The following NRXN3 variants were observed in gnomAD, a reference collection of about 807,000 sequenced individuals.
NRXN3 encodes neurexin 3.
A neutral mutation model predicts 137.6 loss-of-function variants in NRXN3; 32 were observed. The observed-to-expected ratio is 0.23, with a 90% CI of 0.18 to 0.31. NRXN3 has a LOEUF of 0.31. Ranked by LOEUF, NRXN3 falls within the 10% of genes least tolerant of loss-of-function variation. The probability of loss-of-function intolerance (pLI) is 1.00; values close to 1 mark genes in which losing one functional copy is unlikely to be tolerated. For missense variants in NRXN3, 1,574 were observed against 2,062.5 expected, an observed-to-expected ratio of 0.76 and a Z score of 4.59; for synonymous variants, 798 against 784.5, an observed-to-expected ratio of 1.02 and a Z score of -0.29.
intron 1 of NRXN3, among the ~76,000 whole-genome samples, chr14:78,234,680 C>A (rs766048000): frequency 6.6e-6 from 1 of 152,288 alleles, no homozygotes; most frequent in South Asian, 2.1e-4. Flanking sequence ...ATTTGGTCCA[C>A]CTCCTTATAT....
intron 19 of NRXN3, among the ~76,000 whole-genome samples, chr14:79,749,262 G>A (rs2098989566): frequency 6.6e-6 from 1 of 152,064 alleles, no homozygotes; most frequent in Non-Finnish European, 1.5e-5. Context: ...GCTCACATTT[G>A]TCTTTGGGGT....
chr14:79,402,967 A>G (rs1225578138), intron 15 of NRXN3, among the ~76,000 whole-genome samples: 2 of 152,340 alleles, frequency 1.3e-5, no homozygotes, highest in Middle Eastern at 3.4e-3. Context: ...GGAAAAATAA[A>G]GTGTGTTTTT....
chr14:79,741,267 T>C (rs1489199056), intron 19 of NRXN3, among the ~76,000 whole-genome samples: 1 of 152,146 alleles, frequency 6.6e-6, no homozygotes, highest in African/African-American at 2.4e-5. Context: ...TTGCTTTGAA[T>C]CACAGAATTT....
chr14:79,123,380 G>C (rs940685615), intron 15 of NRXN3, among the ~76,000 whole-genome samples: 2 of 152,142 alleles, frequency 1.3e-5, no homozygotes, highest in African/African-American at 4.8e-5. Flanking sequence ...AGAGTTTAGA[G>C]CTGGTATGTC....
At position 79,868,000 on chromosome 14, in the gene NRXN3, A is replaced by C. The variant is rs554846336; in HGVS notation, c.*6036A>C. 1 of 152,094 alleles carries C rather than the reference A, an allele frequency of 6.6e-6. No homozygotes were observed. Among genetic ancestry groups the C allele is most frequent in the East Asian group, 1.9e-4 (1 of 5,174 alleles). The allele number at this position is 152,094 out of a possible 1,614,324, so 9.4% of individuals were successfully genotyped here. On this transcript the variant is annotated 3_prime_UTR_variant, in exon 21 of 21. Coordinates refer to ENST00000335750, the MANE Select transcript of NRXN3 (RefSeq NM_001330195.2). ...TGATTACATGGGTTCTAGAGTCAAA[A>C]TGCCATGGCTCATCTGGTACTGTAA... is the stretch of plus-strand genomic sequence containing the variant.
At chr14:79,648,860 A>G (rs2098463139) in intron 16 of NRXN3, among the ~76,000 whole-genome samples, 1 of 152,134 alleles carries the variant, frequency 6.6e-6, no homozygotes, top group South Asian at 2.1e-4. Context: ...TGGCAATGGA[A>G]CCAGAAAAGC....
chr14:79,103,159 T>A (rs2051673720), intron 15 of NRXN3, among the ~76,000 whole-genome samples: 1 of 152,136 alleles, frequency 6.6e-6, no homozygotes, highest in African/African-American at 2.4e-5. Flanking sequence ...TCAGGGCTCT[T>A]GAGAAAGGTA....
At chr14:78,652,863 G>A (rs181503268) in intron 6 of NRXN3, among the ~76,000 whole-genome samples, 1 of 152,350 alleles carries the variant, frequency 6.6e-6, no homozygotes, top group East Asian at 1.9e-4. Context: ...CCAAGGCTTT[G>A]CCTTGTAGGA....
chr14:79,692,395 G>A (rs2098719961), intron 18 of NRXN3, 133 bp downstream of exon 18: 1 of 719,760 alleles, frequency 1.4e-6, no homozygotes, highest in Non-Finnish European at 2.3e-6. Context: ...ATTATAATTT[G>A]TGTCAGCTTC....
At chr14:79,230,823 A>G (rs1325255283) in intron 15 of NRXN3, among the ~76,000 whole-genome samples, 1 of 152,100 alleles carries the variant, frequency 6.6e-6, no homozygotes, top group East Asian at 1.9e-4. Context: ...GATGCTTGCT[A>G]GTAATGTGAC....
intron 15 of NRXN3, among the ~76,000 whole-genome samples, chr14:79,184,300 C>T (rs1382497170): frequency 6.6e-6 from 1 of 152,074 alleles, no homozygotes; most frequent in East Asian, 1.9e-4. Context: ...GGAAAGGAAA[C>T]AGCAAGAGAA....
chr14:78,730,850 C>T (rs376194789), intron 8 of NRXN3, among the ~76,000 whole-genome samples: 27 of 152,324 alleles, frequency 1.8e-4, no homozygotes, highest in Non-Finnish European at 2.5e-4. Flanking sequence ...CACAAAGGAG[C>T]CCCTCTCTGT....
chr14:78,968,417 A>G (rs1318224419), intron 14 of NRXN3, 71 bp downstream of exon 14: 1 of 1,436,642 alleles, frequency 7.0e-7, no homozygotes, highest in African/African-American at 1.4e-5. Context: ...TGCCTCTGCC[A>G]CTGCCTCCTT....
chr14:79,591,034 C>T (rs1389724342), intron 16 of NRXN3, among the ~76,000 whole-genome samples: 1 of 152,050 alleles, frequency 6.6e-6, no homozygotes, highest in African/African-American at 2.4e-5. Flanking sequence ...CAAACAGATA[C>T]AGTGGGAGCT....
intron 16 of NRXN3, among the ~76,000 whole-genome samples, chr14:79,495,095 C>T (rs2096753449): frequency 6.6e-6 from 1 of 152,116 alleles, no homozygotes. Context: ...ACTTTGGGCT[C>T]ATTATTTTAA....
intron 16 of NRXN3, among the ~76,000 whole-genome samples, chr14:79,529,923 G>A (rs1003268263): frequency 3.9e-5 from 6 of 152,136 alleles, no homozygotes; most frequent in African/African-American, 9.7e-5. Flanking sequence ...TGAACAAACC[G>A]AACTCCAAGT....
chr14:78,636,065 T>C (rs1304166546), intron 4 of NRXN3, among the ~76,000 whole-genome samples: 2 of 152,162 alleles, frequency 1.3e-5, no homozygotes, highest in Middle Eastern at 3.2e-3. Flanking sequence ...TGGTGCCTAT[T>C]TCAATATTTG....
intron 19 of NRXN3, among the ~76,000 whole-genome samples, chr14:79,793,536 C>A (rs888676476): frequency 2.6e-5 from 4 of 152,206 alleles, no homozygotes; most frequent in Admixed American, 2.0e-4. Context: ...GAAACCATGT[C>A]ACACTCCTTT....
At chr14:79,388,466 C>T (rs1051044970) in intron 15 of NRXN3, among the ~76,000 whole-genome samples, 5 of 151,924 alleles carry the variant, frequency 3.3e-5, no homozygotes, top group Non-Finnish European at 5.9e-5. Flanking sequence ...GAGTCCAGGC[C>T]CTTATGGGAC....
Sources: gnomAD v4.1 joint callset for allele counts (sites outside exome capture counted in the v4.1 genomes callset) on GRCh38, gnomAD v4.1.1 for gene constraint, MANE v1.5 for transcripts, NCBI Gene and HGNC (gene_info 2026-07-23, HGNC 2026-07-21) for gene names.